The following TSTD2 variants were observed in gnomAD, a reference collection of about 807,000 sequenced individuals.
TSTD2 encodes thiosulfate sulfurtransferase/rhodanese-like domain-containing protein 2.
TSTD2 carries 37 observed loss-of-function variants against 47.9 expected under a neutral mutation model. That is an observed-to-expected ratio of 0.77 (90% confidence interval 0.59 to 1.02). The LOEUF (loss-of-function observed/expected upper bound fraction) is 1.02. Ranked by LOEUF, TSTD2 falls within the 50% of genes least tolerant of loss-of-function variation. TSTD2 has a pLI of 0.00. For synonymous variants in TSTD2, 201 were observed against 215.9 expected (o/e 0.93, Z 0.61); for missense variants, 586 against 616.0 (o/e 0.95, Z 0.52).
chr9:97,621,641 T>TA (rs1826638633), intron 3 of TSTD2, among the ~76,000 whole-genome samples: 2 of 152,090 alleles, frequency 1.3e-5, no homozygotes, highest in Admixed American at 6.5e-5. Flanking sequence ...AGGGATGAAA[T>TA]ACGCTCTGGT....
At chr9:97,611,759 G>A in intron 4 of TSTD2, 60 bp from the exon 5 acceptor site, 6 of 1,553,094 alleles carry the variant, frequency 3.9e-6, no homozygotes, top group Non-Finnish European at 5.3e-6. Flanking sequence ...ATCTTTCCAG[G>A]GAAGAACAAT....
intron 1 of TSTD2, among the ~76,000 whole-genome samples, chr9:97,628,755 G>A (rs557144145): frequency 1.4e-4 from 21 of 152,252 alleles, no homozygotes; most frequent in African/African-American, 4.8e-4. Flanking sequence ...AAAAGGATAC[G>A]CTAGTGCAAG....
rs145342569 is a variant in TSTD2, at chr9:97,619,325, C to A, written c.483-1448G>T. Among the ~76,000 whole-genome samples, 71 of 152,282 alleles carry A rather than the reference C, an allele frequency of 4.7e-4. No homozygotes were observed. In the South Asian group the frequency reaches 0.015, roughly 31 times the overall value. ...TGGACTACAGTTGACCCGTGAGCAA[C>A]GCGGGTTTGAACTGTGCAGGTCCAC... On this transcript the variant is annotated intron_variant, in intron 3 of 9. Coordinates refer to ENST00000341170, the MANE Select transcript of TSTD2 (RefSeq NM_139246.5).
chr9:97,614,311 T>C (rs1826507352), intron 4 of TSTD2, among the ~76,000 whole-genome samples: 1 of 152,044 alleles, frequency 6.6e-6, no homozygotes, highest in Admixed American at 6.5e-5. Flanking sequence ...TAACCCTACA[T>C]GCCTAGATAA....
chr9:97,602,944 CTTAT>C (rs1564005183), intron 9 of TSTD2, 177 bp from the exon 10 acceptor site: 2 of 568,206 alleles, frequency 3.5e-6, no homozygotes, highest in African/African-American at 3.9e-5. Context: ...CACCACCCAG[CTTAT>C]TTTTTTGTGG....
rs772836346 is a variant in TSTD2 at position 97,611,651 on chromosome 9, A to G, written c.652T>C (p.Leu218=). 6.1e-5 allele frequency: 98 copies of G among 1,611,062 alleles called. 3 individuals are homozygous for G. In the Admixed American group the frequency reaches 1.3e-3, roughly 22 times the overall value. ...GINGTVGGSK[L]ATRLYVEVML... is the part of the protein sequence containing the mutation. ...ACTTCCACATAAAGTCTGGTAGCCAATTTGCTTCCACCAACTGTCCCATTG... is the reference window on the plus strand; with the variant it reads ...ACTTCCACATAAAGTCTGGTAGCCAGTTTGCTTCCACCAACTGTCCCATTG... Residue 218 remains leucine, a synonymous_variant, in exon 5 of 10, where the codon TTG becomes CTG. Transcript: ENST00000341170.
At chr9:97,626,075 T>C (rs987920252) in intron 2 of TSTD2, 78 bp from the exon 3 acceptor site, 17 of 1,377,156 alleles carry the variant, frequency 1.2e-5, no homozygotes, top group Non-Finnish European at 1.7e-5. Flanking sequence ...TAAGATTCTT[T>C]AGATTATCTT....
In TSTD2 at chr9:97,602,267, A is replaced by G; in HGVS notation, c.*202T>C. ...CACCTATTTTCTGTGCTCTAGCATC[A>G]TCCAAATCAGAATGTCTCAGGTAAG... is the stretch of plus-strand genomic sequence containing the variant. On this transcript the variant is annotated 3_prime_UTR_variant, in exon 10 of 10. Transcript: ENST00000341170. The G allele has an allele frequency of 1.6e-6, 1 of 627,034 alleles. No individual in the cohort carries two copies. 38.8% of individuals were successfully genotyped at this position (627,034 alleles called of 1,614,324 possible).
chr9:97,607,462 G>A (rs900376354), intron 6 of TSTD2, among the ~76,000 whole-genome samples: 1 of 152,216 alleles, frequency 6.6e-6, no homozygotes, highest in Non-Finnish European at 1.5e-5. Context: ...AAGGAGAGAT[G>A]AGGGCCCAGA....
At chr9:97,613,827 CTTTTTTTTT>C (rs755229835) in intron 4 of TSTD2, among the ~76,000 whole-genome samples, 1 of 123,074 alleles carries the variant, frequency 8.1e-6, no homozygotes, top group Non-Finnish European at 1.7e-5. Flanking sequence ...TTGATCAATT[CTTTTTTTTT>C]TTTTTTTTTT....
At chr9:97,605,789 G>C (rs1387105885) in intron 7 of TSTD2, 148 bp from the exon 8 acceptor site, 1 of 1,120,416 alleles carries the variant, frequency 8.9e-7, no homozygotes, top group African/African-American at 1.6e-5. Flanking sequence ...TCAACTTCAA[G>C]ATCTCAACTT....
chr9:97,618,526 T>C (rs571148711), intron 3 of TSTD2, among the ~76,000 whole-genome samples: 2 of 152,212 alleles, frequency 1.3e-5, no homozygotes, highest in Non-Finnish European at 2.9e-5. Context: ...CCAAAGTATG[T>C]TATGAAGCTG....
rs758471189 is a variant in TSTD2, at chr9:97,627,407, T to C, written c.156A>G (p.Ala52=). 1.9e-6 allele frequency: 3 copies of C among 1,598,226 alleles called. No homozygotes were observed. Among genetic ancestry groups the C allele is most frequent in the Non-Finnish European group, 2.6e-6 (3 of 1,170,244 alleles). ...DGSTKKKYSF[A]KKKAFALFVK... ...TTCATAAGAATTCTACCTTTTTCTT[T>C]GCAAACGAGTATTTCTTTTTTGTAC... Residue 52 remains alanine, a synonymous_variant, in exon 2 of 10, where the codon GCA becomes GCG. Coordinates refer to ENST00000341170, the MANE Select transcript of TSTD2 (RefSeq NM_139246.5).
chr9:97,604,931 G>A, intron 8 of TSTD2, 66 bp from the exon 9 acceptor site: 2 of 1,589,546 alleles, frequency 1.3e-6, no homozygotes, highest in South Asian at 1.2e-5. Flanking sequence ...GCTCACGGAA[G>A]AACGGCGCAT....
intron 1 of TSTD2, among the ~76,000 whole-genome samples, chr9:97,632,392 T>C (rs77235524): frequency 6.6e-6 from 1 of 150,732 alleles, no homozygotes; most frequent in African/African-American, 2.5e-5. Flanking sequence ...TTTTTTTTTT[T>C]GACACGGTCT....
Position 97,625,809 on chromosome 9 carries a change from T to C in TSTD2, c.354A>G (p.Thr118=). The part of the protein sequence containing the change: ...TASILKQLAV[T]LSTSKSLSSA... ...ACGAAAGACTCTTTGAGGTGCTCAA[T>C]GTCACAGCCAGTTGCTTTAAAATAG... The change falls in exon 3 of 10, where the codon ACA becomes ACG. Residue 118 remains threonine (T), a synonymous_variant. Coordinates refer to ENST00000341170, the MANE Select transcript of TSTD2 (RefSeq NM_139246.5). 3.7e-6 allele frequency: 6 copies of C among 1,614,192 alleles called. No homozygotes were observed. In the South Asian group the frequency reaches 4.4e-5, roughly 12 times the overall value.
At chr9:97,610,254 G>A (rs777749474) in intron 6 of TSTD2, 92 bp downstream of exon 6, 3 of 1,123,670 alleles carry the variant, frequency 2.7e-6, no homozygotes, top group African/African-American at 1.6e-5. Flanking sequence ...GAGGACTCAT[G>A]ACTGCTGCTG....
rs1826280654 is a variant in TSTD2 at position 97,602,536 on chromosome 9, T to C, written c.1484A>G (p.His495Arg). 1 of 1,614,192 alleles carries C rather than the reference T, an allele frequency of 6.2e-7. No homozygotes were observed. ...CTCTGGGCTCACAGGCTGTCGCACATGCTGCAAGAGTTCCCTAGGTATGCG... is the reference window on the plus strand; with the variant it reads ...CTCTGGGCTCACAGGCTGTCGCACACGCTGCAAGAGTTCCCTAGGTATGCG... The part of the protein sequence containing the change: ...RPRIPRELLQ[H>R]VRQPVSPEPG... Residue 495 changes from histidine to arginine, a missense_variant, in exon 10 of 10, where the codon CAT (histidine) becomes CGT (arginine). Physicochemically the swap from His to Arg is conservative, Grantham distance 29. Transcript: ENST00000341170.
chr9:97,602,880 G>A, intron 9 of TSTD2, 113 bp from the exon 10 acceptor site: 1 of 1,107,186 alleles, frequency 9.0e-7, no homozygotes, highest in South Asian at 1.8e-5. Context: ...CCCGGGGAAG[G>A]TTTCCAAATA....
Sources: allele counts gnomAD v4.1 joint callset (sites outside exome capture counted in the v4.1 genomes callset), GRCh38; gene constraint gnomAD v4.1.1; transcripts MANE v1.5; gene names NCBI Gene and HGNC (gene_info 2026-07-23, HGNC 2026-07-21).